Variants in CSMD1 observed in about 807,000 individuals in gnomAD.
CSMD1 encodes CUB and Sushi multiple domains 1.
In CSMD1, 213 loss-of-function variants were observed where a neutral mutation model predicts 417.5. That is an observed-to-expected ratio of 0.51 (90% confidence interval 0.46 to 0.57). The LOEUF is 0.57. Among genes scored for constraint, CSMD1 ranks in the 20% least tolerant of loss-of-function variants. The probability of loss-of-function intolerance (pLI) is 0.00; values close to 1 mark genes in which losing one functional copy is unlikely to be tolerated. For missense variants in CSMD1, 6,923 were observed against 4,529.7 expected, an observed-to-expected ratio of 1.53 and a Z score of -15.17; for synonymous variants, 2,862 against 1,736.8, an observed-to-expected ratio of 1.65 and a Z score of -16.11.
At chr8:4,826,645 G>A (rs981636871) in intron 1 of CSMD1, among the ~76,000 whole-genome samples, 4 of 152,132 alleles carry the variant, frequency 2.6e-5, no homozygotes, top group Non-Finnish European at 4.4e-5. Flanking sequence ...GCAGGCACTT[G>A]CACCTCACTC....
At chr8:4,567,378 C>T (rs1215720648) in intron 2 of CSMD1, among the ~76,000 whole-genome samples, 1 of 152,106 alleles carries the variant, frequency 6.6e-6, no homozygotes, top group Non-Finnish European at 1.5e-5. Flanking sequence ...TCTGTTGCAC[C>T]AGGAATTAGA....
In CSMD1 at chr8:3,924,513, T is replaced by C. The variant is rs560629482; in HGVS notation, c.818+73390A>G. Reference sequence around the variant, plus strand: ...ATACATATATTGATTCACTTGATGGTTTCCCAGAAGCTCGGTGGACTTGCT... The same window carrying C: ...ATACATATATTGATTCACTTGATGGCTTCCCAGAAGCTCGGTGGACTTGCT... On this transcript the variant is annotated intron_variant, in intron 5 of 69. Coordinates refer to ENST00000635120, the MANE Select transcript of CSMD1 (RefSeq NM_033225.6). Among the ~76,000 whole-genome samples the C allele has an allele frequency of 2.6e-5, 4 of 152,328 alleles. No individual in the cohort carries two copies. The South Asian group carries it at 8.3e-4, about 32-fold the overall frequency.
chr8:3,186,478 C>T (rs1821766935), intron 36 of CSMD1, among the ~76,000 whole-genome samples: 1 of 152,168 alleles, frequency 6.6e-6, no homozygotes, highest in Non-Finnish European at 1.5e-5. Context: ...ATTCCCAACA[C>T]CTTAAATGGC....
chr8:4,866,107 C>G (rs532321299), intron 1 of CSMD1, among the ~76,000 whole-genome samples: 2 of 151,944 alleles, frequency 1.3e-5, no homozygotes, highest in Non-Finnish European at 2.9e-5. Flanking sequence ...TCCAACTGCA[C>G]TACTAATTCA....
At chr8:2,982,494 G>A (rs1181138854) in intron 54 of CSMD1, among the ~76,000 whole-genome samples, 1 of 152,186 alleles carries the variant, frequency 6.6e-6, no homozygotes, top group Non-Finnish European at 1.5e-5. Context: ...TGAACGTACT[G>A]ATCGCCTGAT....
chr8:3,411,058 G>A (rs1284085979), intron 12 of CSMD1, among the ~76,000 whole-genome samples: 2 of 152,154 alleles, frequency 1.3e-5, no homozygotes, highest in African/African-American at 2.4e-5. Context: ...GAGCAGAAGG[G>A]AGGCCCTGCC....
chr8:2,975,327 T>A (rs1259364626), intron 55 of CSMD1, among the ~76,000 whole-genome samples: 1 of 152,218 alleles, frequency 6.6e-6, no homozygotes, highest in Non-Finnish European at 1.5e-5. Flanking sequence ...TGAAGATTTA[T>A]TTTTCCTTTA....
chr8:3,286,016 C>A (rs968934230), intron 25 of CSMD1, among the ~76,000 whole-genome samples: 1 of 152,056 alleles, frequency 6.6e-6, no homozygotes, highest in African/African-American at 2.4e-5. Flanking sequence ...GTGATGTTCC[C>A]CTTCCTGTGT....
intron 5 of CSMD1, among the ~76,000 whole-genome samples, chr8:3,885,696 G>A (rs562160750): frequency 3.3e-5 from 5 of 152,140 alleles, no homozygotes; most frequent in Admixed American, 6.6e-5. Flanking sequence ...AGAAATGCAC[G>A]TGTGAGCTCA....
intron 3 of CSMD1, among the ~76,000 whole-genome samples, chr8:4,146,428 C>A (rs1275522964): frequency 6.7e-6 from 1 of 150,206 alleles, no homozygotes; most frequent in South Asian, 2.1e-4. Flanking sequence ...AAGACGTGTA[C>A]CCAGGATGTG....
chr8:3,080,404 A>T (rs920213777), intron 49 of CSMD1, among the ~76,000 whole-genome samples: 6 of 152,264 alleles, frequency 3.9e-5, no homozygotes, highest in Non-Finnish European at 7.3e-5. Context: ...GATAAGAACC[A>T]ACAGAGATTT....
intron 1 of CSMD1, among the ~76,000 whole-genome samples, chr8:4,713,946 A>T (rs1173389221): frequency 6.6e-6 from 1 of 152,048 alleles, no homozygotes; most frequent in African/African-American, 2.4e-5. Flanking sequence ...GGAGTTCAAA[A>T]CCAGCCTGGC....
At chr8:4,529,885 TAAA>T (rs1346082396) in intron 2 of CSMD1, among the ~76,000 whole-genome samples, 5 of 142,744 alleles carry the variant, frequency 3.5e-5, no homozygotes, top group East Asian at 2.1e-4. Flanking sequence ...TTTTTTTTTT[TAAA>T]TTTATTTAAT....
intron 2 of CSMD1, among the ~76,000 whole-genome samples, chr8:4,603,838 A>G (rs1235698680): frequency 1.3e-5 from 2 of 152,134 alleles, no homozygotes; most frequent in South Asian, 2.1e-4. Context: ...AATATTGAAG[A>G]ATGATTTTTA....
intron 50 of CSMD1, among the ~76,000 whole-genome samples, chr8:3,051,414 A>G (rs994365076): frequency 6.6e-6 from 1 of 152,150 alleles, no homozygotes; most frequent in African/African-American, 2.4e-5. Context: ...AGACATAAAG[A>G]AGGCAGCAAC....
At chr8:4,281,495 A>G (rs2128859897) in intron 3 of CSMD1, among the ~76,000 whole-genome samples, 1 of 152,334 alleles carries the variant, frequency 6.6e-6, no homozygotes, top group East Asian at 1.9e-4. Flanking sequence ...AAATTTCTGA[A>G]GTTTTACTGA....
chr8:4,181,400 G>A (rs565005896), intron 3 of CSMD1, among the ~76,000 whole-genome samples: 1 of 151,652 alleles, frequency 6.6e-6, no homozygotes, highest in Non-Finnish European at 1.5e-5. Context: ...TATAAGGCAG[G>A]GTTCTCCAAT....
chr8:4,624,014 T>A (rs1801942288), intron 2 of CSMD1, among the ~76,000 whole-genome samples: 1 of 152,150 alleles, frequency 6.6e-6, no homozygotes, highest in African/African-American at 2.4e-5. Flanking sequence ...TGTGAATAAT[T>A]GTAACTAAAG....
intron 10 of CSMD1, among the ~76,000 whole-genome samples, chr8:3,574,361 C>T (rs1173407275): frequency 1.3e-5 from 2 of 152,208 alleles, no homozygotes; most frequent in Non-Finnish European, 2.9e-5. Context: ...GGGCCTCAGC[C>T]TCTCGAATAG....
Sources: gnomAD v4.1 joint callset for allele counts (sites outside exome capture counted in the v4.1 genomes callset) on GRCh38, gnomAD v4.1.1 for gene constraint, MANE v1.5 for transcripts, NCBI Gene and HGNC (gene_info 2026-07-23, HGNC 2026-07-21) for gene names.